Variants in ZFHX3 observed in about 807,000 individuals in gnomAD.
ZFHX3 encodes the protein zinc finger homeobox protein 3.
In ZFHX3, 42 loss-of-function variants were observed where a neutral mutation model predicts 279.1. The observed-to-expected ratio is 0.15, with a 90% CI of 0.12 to 0.19. The LOEUF is 0.19. ZFHX3 is among the 10% of genes least tolerant of loss of function. ZFHX3 has a pLI of 1.00. For missense variants in ZFHX3, 4,981 were observed against 4,754.0 expected (o/e 1.05, Z -1.40); for synonymous variants, 2,293 against 1,957.8 (o/e 1.17, Z -4.52).
intron 6 of ZFHX3, among the ~76,000 whole-genome samples, chr16:73,142,694 G>T (rs1466787494): frequency 6.6e-6 from 1 of 152,206 alleles, no homozygotes; most frequent in Non-Finnish European, 1.5e-5. Context: ...AATGCTCTGG[G>T]GCTAGATGTT....
intron 2 of ZFHX3, among the ~76,000 whole-genome samples, chr16:73,595,572 C>T (rs1194620343): frequency 2.0e-5 from 3 of 152,138 alleles, no homozygotes; most frequent in African/African-American, 7.2e-5. Context: ...TCCATTTTGA[C>T]TCTATTCACA....
At chr16:73,801,737 G>A (rs529721001) in intron 1 of ZFHX3, among the ~76,000 whole-genome samples, 4 of 152,280 alleles carry the variant, frequency 2.6e-5, no homozygotes, top group Admixed American at 2.6e-4. Flanking sequence ...TACATGTGCT[G>A]ATGGGTCTAC....
chr16:72,814,525 T>TA (rs952654173), intron 5 of ZFHX3, among the ~76,000 whole-genome samples: 4 of 152,042 alleles, frequency 2.6e-5, no homozygotes, highest in Non-Finnish European at 4.4e-5. Context: ...GCTGAACACA[T>TA]GATGAATTGT....
chr16:72,804,683 C>T (rs1051664107), intron 7 of ZFHX3, among the ~76,000 whole-genome samples: 5 of 152,080 alleles, frequency 3.3e-5, no homozygotes, highest in African/African-American at 9.7e-5. Context: ...GTCTGAGATA[C>T]GGGACTAGTC....
At chr16:73,207,339 T>G (rs2011847772) in intron 5 of ZFHX3, among the ~76,000 whole-genome samples, 1 of 152,224 alleles carries the variant, frequency 6.6e-6, no homozygotes, top group African/African-American at 2.4e-5. Context: ...TTCACTTTCC[T>G]CTTAAATTAC....
rs564688203 is a variant in ZFHX3 at position 73,243,976 on chromosome 16, T to C, written c.-1104+13071A>G. Among the ~76,000 whole-genome samples, 11 of 152,248 alleles carry C rather than the reference T, an allele frequency of 7.2e-5. No homozygotes were observed. The East Asian group carries it at 7.7e-4, about 11-fold the overall frequency. The stretch of plus-strand genomic sequence containing the variant: ...GAACGCCTCAAGTGCTTGGTCTCAG[T>C]TGGATGTGAGGTCTGTTTTAAGAAT... On this transcript the variant is annotated intron_variant, in intron 5 of 17. Transcript: ENST00000641206.
At chr16:73,141,675 G>C (rs1245209055) in intron 6 of ZFHX3, among the ~76,000 whole-genome samples, 1 of 152,136 alleles carries the variant, frequency 6.6e-6, no homozygotes, top group Non-Finnish European at 1.5e-5. Flanking sequence ...TGGGATTACA[G>C]ACATAAGGCA....
chr16:73,684,541 C>T (rs1026816), intron 1 of ZFHX3, among the ~76,000 whole-genome samples: 146,941 of 152,210 alleles, frequency 0.97, 70,966 homozygotes, highest in Non-Finnish European at 0.97. Context: ...CCCAAACATA[C>T]CCATATCCTA....
At chr16:73,510,419 GC>G (rs2019408899) in intron 2 of ZFHX3, among the ~76,000 whole-genome samples, 1 of 151,790 alleles carries the variant, frequency 6.6e-6, no homozygotes, top group African/African-American at 2.4e-5. Context: ...TTTATTACTT[GC>G]TATTCATTGT....
intron 7 of ZFHX3, among the ~76,000 whole-genome samples, chr16:73,117,405 A>T (rs1413452572): frequency 6.6e-6 from 1 of 152,248 alleles, no homozygotes; most frequent in East Asian, 1.9e-4. Flanking sequence ...GTCATGGCCA[A>T]AAAATTTGAA....
intron 3 of ZFHX3, among the ~76,000 whole-genome samples, chr16:73,395,354 C>T (rs577246811): frequency 1.3e-5 from 2 of 152,180 alleles, no homozygotes; most frequent in South Asian, 4.2e-4. Flanking sequence ...GTCCCAGCTA[C>T]TCAGGAGGCT....
intron 4 of ZFHX3, among the ~76,000 whole-genome samples, chr16:72,845,485 C>T (rs996353382): frequency 5.9e-5 from 9 of 152,190 alleles, no homozygotes; most frequent in African/African-American, 1.7e-4. Flanking sequence ...CAGCCACGCC[C>T]GGCCCTGAAC....
chr16:73,186,962 A>G (rs993554836), intron 5 of ZFHX3, among the ~76,000 whole-genome samples: 1 of 152,230 alleles, frequency 6.6e-6, no homozygotes, highest in Non-Finnish European at 1.5e-5. Context: ...TTCAGGGCTT[A>G]GAAGAAATTC....
chr16:73,324,341 T>C (rs1003250743), intron 3 of ZFHX3, among the ~76,000 whole-genome samples: 1 of 152,216 alleles, frequency 6.6e-6, no homozygotes, highest in Non-Finnish European at 1.5e-5. Context: ...TGTAGGCTCA[T>C]TGGATTGATC....
At chr16:73,816,601 G>T (rs1047491757) in intron 1 of ZFHX3, among the ~76,000 whole-genome samples, 1 of 149,722 alleles carries the variant, frequency 6.7e-6, no homozygotes, top group South Asian at 2.1e-4. Flanking sequence ...ATCCAAAAAA[G>T]GCTGAACAAA....
chr16:73,777,428 G>A (rs1438816344), intron 1 of ZFHX3, among the ~76,000 whole-genome samples: 1 of 150,258 alleles, frequency 6.7e-6, no homozygotes, highest in Non-Finnish European at 1.5e-5. Flanking sequence ...ACTTGAACTT[G>A]GGAGGCAGAG....
At chr16:73,695,870 G>A (rs922432737) in intron 1 of ZFHX3, among the ~76,000 whole-genome samples, 5 of 152,160 alleles carry the variant, frequency 3.3e-5, no homozygotes, top group Admixed American at 1.3e-4. Flanking sequence ...CCCAGGCTCG[G>A]CAAGAAGGAC....
chr16:73,296,641 A>G (rs1170405292), intron 4 of ZFHX3, among the ~76,000 whole-genome samples: 1 of 152,160 alleles, frequency 6.6e-6, no homozygotes, highest in Non-Finnish European at 1.5e-5. Context: ...GTATAAATAG[A>G]ATTCACCCCC....
intron 1 of ZFHX3, among the ~76,000 whole-genome samples, chr16:73,706,413 A>C (rs2053304525): frequency 6.7e-6 from 1 of 150,136 alleles, no homozygotes; most frequent in Non-Finnish European, 1.5e-5. Flanking sequence ...CCTAGATCGC[A>C]CCACTGCACT....
Sources: allele counts gnomAD v4.1 joint callset (sites outside exome capture counted in the v4.1 genomes callset), GRCh38; gene constraint gnomAD v4.1.1; transcripts MANE v1.5; gene names NCBI Gene and HGNC (gene_info 2026-07-23, HGNC 2026-07-21).